Variants in HDAC9 observed in about 807,000 individuals in gnomAD.
The protein encoded by HDAC9 is MEF-2 interacting transcription repressor (MITR) protein.
A neutral mutation model predicts 139.4 loss-of-function variants in HDAC9; 41 were observed. The ratio of observed to expected loss-of-function variants is 0.29; its 90% CI spans 0.23 to 0.38. The LOEUF (loss-of-function observed/expected upper bound fraction) is 0.38. HDAC9 is among the 10% of genes least tolerant of loss of function. HDAC9 has a pLI of 1.00. For synonymous variants in HDAC9, 517 were observed against 476.2 expected (o/e 1.09, Z -1.12); for missense variants, 1,147 against 1,297.0 (o/e 0.88, Z 1.78).
chr7:18,622,630 C>T (rs1257187795), intron 6 of HDAC9, among the ~76,000 whole-genome samples: 2 of 151,762 alleles, frequency 1.3e-5, no homozygotes, highest in African/African-American at 2.4e-5. Context: ...CCTAAAGAAA[C>T]ATTTATTAAT....
chr7:18,433,831 A>G (rs1790911844), intron 1 of HDAC9, among the ~76,000 whole-genome samples: 1 of 152,226 alleles, frequency 6.6e-6, no homozygotes, highest in African/African-American at 2.4e-5. Context: ...GTATTGTTAA[A>G]ATGTCCATAT....
chr7:18,676,860 T>A (rs921535350), intron 12 of HDAC9, among the ~76,000 whole-genome samples: 2 of 151,844 alleles, frequency 1.3e-5, no homozygotes, highest in African/African-American at 4.8e-5. Context: ...TCTTAGGGAT[T>A]AAAAAAATTC....
At chr7:18,360,102 T>C (rs548754426) in intron 1 of HDAC9, among the ~76,000 whole-genome samples, 144 of 152,332 alleles carry the variant, frequency 9.5e-4, no homozygotes, top group African/African-American at 3.3e-3. Flanking sequence ...TTGTTCTAGA[T>C]TGTTTTCAGA....
intron 12 of HDAC9, among the ~76,000 whole-genome samples, chr7:18,707,854 A>AGTGTGTGTGTGTGTGTGT (rs61496259): frequency 2.0e-5 from 3 of 149,552 alleles, no homozygotes; most frequent in African/African-American, 4.9e-5. Flanking sequence ...AGGGGAAAGG[A>AGTGTGTGTGTGTGTGTGT]GTGTGTGTGT....
At chr7:18,647,313 A>T (rs2129028170) in intron 9 of HDAC9, among the ~76,000 whole-genome samples, 1 of 152,294 alleles carries the variant, frequency 6.6e-6, no homozygotes, top group African/African-American at 2.4e-5. Flanking sequence ...TTACAACATA[A>T]TGATTTGACA....
intron 1 of HDAC9, among the ~76,000 whole-genome samples, chr7:18,153,526 T>C (rs369463247): frequency 2.0e-4 from 30 of 152,218 alleles, no homozygotes; most frequent in African/African-American, 5.8e-4. Context: ...GCCTGATTGG[T>C]TGTGGGAGGG....
Position 18,176,561 on chromosome 7 carries a change from T to A in HDAC9, c.25+14212T>A, listed in dbSNP as rs73681721. 5.9e-3 allele frequency among the ~76,000 whole-genome samples: 901 copies of A among 152,320 alleles called. 10 individuals carry two copies. The highest frequency in any genetic ancestry group is 0.02 in the African/African-American group (852 of 41,574). ...AAGCCCTGTCTCCTATCATTTTATG[T>A]GTATTGAAAAATTATTATAATTAGA... On this transcript the variant is annotated intron_variant, in intron 2 of 12. Transcript: ENST00000417496.
At chr7:18,860,631 T>C (rs1267642583) in intron 21 of HDAC9, among the ~76,000 whole-genome samples, 2 of 151,364 alleles carry the variant, frequency 1.3e-5, no homozygotes, top group Non-Finnish European at 2.9e-5. Context: ...TAAGAATAAA[T>C]TGGGCTAAAA....
chr7:18,833,874 G>T (rs1459956257), intron 19 of HDAC9, among the ~76,000 whole-genome samples: 1 of 152,200 alleles, frequency 6.6e-6, no homozygotes, highest in Non-Finnish European at 1.5e-5. Context: ...TAGTGAAGGA[G>T]TACTGGGCTG....
chr7:18,538,667 A>G (rs1811694558), intron 2 of HDAC9, among the ~76,000 whole-genome samples: 1 of 152,210 alleles, frequency 6.6e-6, no homozygotes, highest in South Asian at 2.1e-4. Flanking sequence ...TGGATAAATT[A>G]TGCTTGCAAT....
chr7:18,476,359 C>G (rs1299894557), intron 1 of HDAC9, among the ~76,000 whole-genome samples: 1 of 152,084 alleles, frequency 6.6e-6, no homozygotes, highest in East Asian at 1.9e-4. Flanking sequence ...ATCCTCATGA[C>G]TTAATGACCA....
At chr7:18,353,209 ACTT>A (rs1782990155) in intron 1 of HDAC9, among the ~76,000 whole-genome samples, 1 of 152,124 alleles carries the variant, frequency 6.6e-6, no homozygotes, top group South Asian at 2.1e-4. Context: ...GTACAAAGAA[ACTT>A]CTTTATAAAG....
At chr7:18,839,632 G>A (rs1006766267) in intron 21 of HDAC9, among the ~76,000 whole-genome samples, 4 of 152,060 alleles carry the variant, frequency 2.6e-5, no homozygotes, top group East Asian at 1.9e-4. Context: ...AAAAGTCTGA[G>A]GGAACTACCT....
chr7:18,335,604 C>T (rs1014446474), intron 1 of HDAC9, among the ~76,000 whole-genome samples: 4 of 151,498 alleles, frequency 2.6e-5, no homozygotes, highest in East Asian at 1.9e-4. Flanking sequence ...ACATCTCTAA[C>T]GAGTCTGAAA....
rs377625110 is a variant in HDAC9, at chr7:18,472,244, T to C, written c.-41-24018T>C. Among the ~76,000 whole-genome samples the C allele has an allele frequency of 1.3e-4, 20 of 152,304 alleles. No individual in the cohort carries two copies. The South Asian group carries it at 3.9e-3, about 30-fold the overall frequency. On this transcript the variant is annotated intron_variant, in intron 1 of 3. Coordinates refer to the HDAC9 transcript ENST00000413509. ...ATTCCAGATTTAAAATCAAATTCCATGCTAAGAAATGACACAGATCATCTT... is the reference window on the plus strand; with the variant it reads ...ATTCCAGATTTAAAATCAAATTCCACGCTAAGAAATGACACAGATCATCTT...
chr7:18,939,073 T>C (rs903969202), intron 23 of HDAC9, among the ~76,000 whole-genome samples: 1 of 152,242 alleles, frequency 6.6e-6, no homozygotes, highest in African/African-American at 2.4e-5. Flanking sequence ...AATTAATATG[T>C]ATGTCTTATG....
intron 1 of HDAC9, among the ~76,000 whole-genome samples, chr7:18,413,582 C>T (rs1397200989): frequency 6.6e-6 from 1 of 152,068 alleles, no homozygotes; most frequent in Non-Finnish European, 1.5e-5. Flanking sequence ...TCTGATTTGC[C>T]ATTATATGTG....
intron 8 of HDAC9, among the ~76,000 whole-genome samples, chr7:18,638,334 A>G (rs542494732): frequency 1.3e-5 from 2 of 152,238 alleles, no homozygotes; most frequent in Non-Finnish European, 2.9e-5. Flanking sequence ...AAAATTTTCT[A>G]TCTTGTAATT....
intron 25 of HDAC9, among the ~76,000 whole-genome samples, chr7:18,989,762 C>CTAT (rs1785708679): frequency 1.4e-5 from 1 of 73,204 alleles, no homozygotes; most frequent in African/African-American, 6.2e-5. Context: ...TCTTCTTATG[C>CTAT]TTTTTTCTCT....
Sources: gnomAD v4.1 joint callset for allele counts (sites outside exome capture counted in the v4.1 genomes callset) on GRCh38, gnomAD v4.1.1 for gene constraint, MANE v1.5 for transcripts, NCBI Gene and HGNC (gene_info 2026-07-23, HGNC 2026-07-21) for gene names.